TRPM3: variants seen among roughly 807,000 people sequenced by gnomAD.
TRPM3 encodes the protein long transient receptor potential channel 3.
A neutral mutation model predicts 181.2 loss-of-function variants in TRPM3; 77 were observed. That is an observed-to-expected ratio of 0.42 (90% CI 0.35 to 0.51). The LOEUF is 0.51. Ranked by LOEUF, TRPM3 falls within the 20% of genes least tolerant of loss-of-function variation. TRPM3 has a pLI of 0.01. For missense variants in TRPM3, 1,759 were observed against 2,196.7 expected (o/e 0.80, Z 3.98); for synonymous variants, 745 against 796.4 (o/e 0.94, Z 1.09).
At chr9:70,892,626 A>AAC (rs1042297499) in intron 1 of TRPM3, among the ~76,000 whole-genome samples, 3 of 151,536 alleles carry the variant, frequency 2.0e-5, no homozygotes, top group African/African-American at 7.3e-5. Flanking sequence ...AAAAAAAAAA[A>AAC]ACTAGCCAAT....
At chr9:70,869,490 G>A (rs2095741524) in intron 1 of TRPM3, among the ~76,000 whole-genome samples, 1 of 151,950 alleles carries the variant, frequency 6.6e-6, no homozygotes, top group Non-Finnish European at 1.5e-5. Flanking sequence ...GAGCACACAA[G>A]CGGCATTGTT....
chr9:70,674,621 G>A (rs954100797), intron 9 of TRPM3, among the ~76,000 whole-genome samples: 1 of 151,592 alleles, frequency 6.6e-6, no homozygotes, highest in South Asian at 2.1e-4. Context: ...GTGCAATGGT[G>A]CAATCATGGC....
chr9:71,124,193 G>A (rs896941843), upstream of TRPM3, among the ~76,000 whole-genome samples: 22 of 151,820 alleles, frequency 1.4e-4, no homozygotes, highest in African/African-American at 4.8e-4. Context: ...TGCCAGAATT[G>A]TTTGCTATCA....
chr9:70,897,494 T>C (rs184328336), intron 1 of TRPM3, among the ~76,000 whole-genome samples: 5 of 152,092 alleles, frequency 3.3e-5, no homozygotes, highest in Admixed American at 3.3e-4. Flanking sequence ...AGCGGTGGAA[T>C]TAGATCTCAA....
intron 1 of TRPM3, among the ~76,000 whole-genome samples, chr9:70,970,752 T>C (rs2097235432): frequency 2.6e-5 from 4 of 152,196 alleles, no homozygotes; most frequent in Admixed American, 1.3e-4. Context: ...TGTTGACCAC[T>C]GACCTAATAA....
chr9:70,664,906 T>A (rs962611250), intron 9 of TRPM3, among the ~76,000 whole-genome samples: 1 of 152,024 alleles, frequency 6.6e-6, no homozygotes, highest in African/African-American at 2.4e-5. Context: ...CCCCTCAGCC[T>A]CCCAAAGTGC....
chr9:71,226,747 T>A (rs955032516), intron 1 of TRPM3, among the ~76,000 whole-genome samples: 4 of 152,020 alleles, frequency 2.6e-5, no homozygotes, highest in African/African-American at 9.7e-5. Context: ...GCAAATATTA[T>A]TAGAGCTAGA....
intron 22 of TRPM3, among the ~76,000 whole-genome samples, chr9:70,590,225 G>A (rs2057887633): frequency 6.6e-6 from 1 of 152,066 alleles, no homozygotes; most frequent in African/African-American, 2.4e-5. Flanking sequence ...AATGCCTGGT[G>A]TGTCCTGACA....
chr9:71,403,010 T>C (rs2093370608), intron 1 of TRPM3, among the ~76,000 whole-genome samples: 1 of 152,196 alleles, frequency 6.6e-6, no homozygotes, highest in Admixed American at 6.5e-5. Flanking sequence ...CTTCATCTTA[T>C]GAAAGATATA....
At chr9:71,356,364 G>A (rs1020970099) in intron 1 of TRPM3, among the ~76,000 whole-genome samples, 3 of 151,886 alleles carry the variant, frequency 2.0e-5, no homozygotes, top group African/African-American at 7.3e-5. Context: ...TTGTTTCCCT[G>A]TATGCATCCA....
intron 1 of TRPM3, among the ~76,000 whole-genome samples, chr9:71,359,743 C>A (rs1722170185): frequency 6.6e-6 from 1 of 152,096 alleles, no homozygotes; most frequent in Admixed American, 6.6e-5. Context: ...GGAGTCAGGG[C>A]AATTCAAATT....
intron 3 of TRPM3, among the ~76,000 whole-genome samples, chr9:70,859,801 A>G (rs115805332): frequency 8.3e-4 from 127 of 152,252 alleles, no homozygotes; most frequent in African/African-American, 2.9e-3. Flanking sequence ...CAGCTGTTCA[A>G]TTGTTGAGGT....
At chr9:70,978,447 A>G (rs1190352270) in intron 1 of TRPM3, among the ~76,000 whole-genome samples, 1 of 152,196 alleles carries the variant, frequency 6.6e-6, no homozygotes, top group Non-Finnish European at 1.5e-5. Context: ...TAACTCAGAA[A>G]AATCTCCTAG....
At chr9:71,426,728 C>G (rs2093870311) in intron 1 of TRPM3, among the ~76,000 whole-genome samples, 2 of 152,148 alleles carry the variant, frequency 1.3e-5, no homozygotes, top group South Asian at 4.2e-4. Flanking sequence ...TGACTTTATT[C>G]CTATTAGCTC....
chr9:71,380,474 T>C (rs2092772877), intron 1 of TRPM3, among the ~76,000 whole-genome samples: 1 of 151,990 alleles, frequency 6.6e-6, no homozygotes, highest in South Asian at 2.1e-4. Flanking sequence ...TCAATCATTT[T>C]ATTGACTAAG....
intron 7 of TRPM3, among the ~76,000 whole-genome samples, chr9:70,778,361 A>G (rs1362357955): frequency 6.6e-6 from 1 of 152,140 alleles, no homozygotes; most frequent in Admixed American, 6.6e-5. Context: ...ACTTGTGTCT[A>G]TGTTTTAGTC....
chr9:71,405,088 T>C (rs1462202414), intron 1 of TRPM3, among the ~76,000 whole-genome samples: 1 of 152,222 alleles, frequency 6.6e-6, no homozygotes, highest in Non-Finnish European at 1.5e-5. Flanking sequence ...TTCTATCTCA[T>C]TTTACTTCAC....
intron 1 of TRPM3, among the ~76,000 whole-genome samples, chr9:71,196,637 A>G (rs1039254228): frequency 6.6e-6 from 1 of 151,970 alleles, no homozygotes; most frequent in Non-Finnish European, 1.5e-5. Flanking sequence ...CAATTTCTTC[A>G]GTAATTGACA....
At chr9:71,371,219 C>A (rs1036332287) in intron 1 of TRPM3, among the ~76,000 whole-genome samples, 1 of 152,178 alleles carries the variant, frequency 6.6e-6, no homozygotes, top group African/African-American at 2.4e-5. Flanking sequence ...GAGGAATCTT[C>A]ACTTTCAAAT....
Sources: gnomAD v4.1 joint callset for allele counts (sites outside exome capture counted in the v4.1 genomes callset) on GRCh38, gnomAD v4.1.1 for gene constraint, MANE v1.5 for transcripts, NCBI Gene and HGNC (gene_info 2026-07-23, HGNC 2026-07-21) for gene names.